MUC17: variants seen among roughly 807,000 people sequenced by gnomAD.
MUC17 encodes the protein mucin-17.
Under a neutral mutation model 170.3 loss-of-function variants are expected in MUC17, and 190 were observed. That is an observed-to-expected ratio of 1.12 (90% CI 0.99 to 1.26). The LOEUF (loss-of-function observed/expected upper bound fraction) is 1.26, where lower values mean the gene tolerates loss of function less well. Ranked by LOEUF, MUC17 falls within the 50% of genes most tolerant of loss-of-function variation. MUC17 has a pLI of 0.00. For synonymous variants in MUC17, 2,325 were observed against 2,002.5 expected, an observed-to-expected ratio of 1.16 and a Z score of -4.30; for missense variants, 6,415 against 5,530.0, an observed-to-expected ratio of 1.16 and a Z score of -5.08.
At chr7:101,048,237 TTTTTG>T (rs377501851) in intron 4 of MUC17, 122 bp downstream of exon 4, 223 of 1,038,348 alleles carry the variant, frequency 2.1e-4, no homozygotes, top group East Asian at 8.9e-4. Flanking sequence ...GCTGTGGTGT[TTTTTG>T]TTTTGTTTTG....
chr7:101,032,444 C>T lies in MUC17; in HGVS notation c.1028C>T (p.Thr343Ile), dbSNP rs779051755. The change falls in exon 3 of 13, where the codon ACC becomes ATC. Residue 343 changes from threonine to isoleucine, a missense_variant. By Grantham distance (89) the Thr-to-Ile change is moderately conservative. Coordinates refer to ENST00000306151, the MANE Select transcript of MUC17 (RefSeq NM_001040105.2). ...CCATTAACAAGTACGCCTGCCAGCA[C>T]CATGCCGGTTGCCACTTCTGAAATG... ...STPLTSTPAS[T>I]MPVATSEMST... The T allele has an allele frequency of 3.7e-6, 6 of 1,613,826 alleles. No homozygotes were observed. Among genetic ancestry groups the T allele is most frequent in the Non-Finnish European group, 5.1e-6 (6 of 1,179,838 alleles).
chr7:101,042,553 A>G lies in MUC17; in HGVS notation c.11137A>G (p.Thr3713Ala), dbSNP rs149061539. 84 of 1,614,094 alleles carry G rather than the reference A, an allele frequency of 5.2e-5. No individual in the cohort carries two copies. The African/African-American group carries it at 8.8e-4, about 17-fold the overall frequency. Residue 3713 changes from threonine (T) to alanine (A), a missense_variant, in exon 3 of 13, where the codon ACC (threonine) becomes GCC (alanine). By Grantham distance (58) the Thr-to-Ala change is moderately conservative. Transcript: ENST00000306151. ...ACGTGTGACCAGCTCTGAGGGTAGCACCCTTTCAACACCTTCTGTTGTCAC... is the reference window on the plus strand; with the variant it reads ...ACGTGTGACCAGCTCTGAGGGTAGCGCCCTTTCAACACCTTCTGTTGTCAC... The part of the protein sequence containing the change: ...TTRVTSSEGS[T>A]LSTPSVVTST...
intron 12 of MUC17, among the ~76,000 whole-genome samples, chr7:101,056,935 C>T (rs943716384): frequency 1.3e-5 from 2 of 152,042 alleles, no homozygotes; most frequent in Non-Finnish European, 2.9e-5. Context: ...TGGGCTCCTA[C>T]ATTTTTTAAC....
chr7:101,028,881 CTG>C (rs75024434), intron 1 of MUC17, among the ~76,000 whole-genome samples: 5,123 of 149,462 alleles, frequency 0.034, 144 homozygotes, highest in African/African-American at 0.074. Flanking sequence ...CAGAGAGACA[CTG>C]TCTCTTAAAA....
At chr7:101,047,940 C>T (rs1041941472) in intron 3 of MUC17, 44 bp from the exon 4 acceptor site, 42 of 1,533,628 alleles carry the variant, frequency 2.7e-5, no homozygotes, top group Non-Finnish European at 3.7e-5. Context: ...TGAGGTGCCT[C>T]AATGGAGGAA....
intron 1 of MUC17, among the ~76,000 whole-genome samples, chr7:101,029,889 G>A (rs1044777165): frequency 4.6e-5 from 7 of 152,050 alleles, no homozygotes; most frequent in South Asian, 4.2e-4. Context: ...GTGAACCACC[G>A]TGCCCGACCT....
chr7:101,036,739 G>T lies in MUC17; in HGVS notation c.5323G>T (p.Asp1775Tyr), dbSNP rs773451455. ...EASTLSATPI[D>Y]TSTPVTTSTE... ...TAGCACCCTTTCAGCAACTCCTATT[G>T]ACACCAGCACCCCTGTGACCACTTC... Residue 1775 changes from aspartate (D) to tyrosine (Y), a missense_variant, in exon 3 of 13, where the codon GAC becomes TAC. Transcript: ENST00000306151. 1.2e-6 allele frequency: 2 copies of T among 1,612,734 alleles called. No homozygotes were observed. Among genetic ancestry groups the T allele is most frequent in the South Asian group, 2.2e-5 (2 of 90,806 alleles).
rs1412203836 is a variant in MUC17, at chr7:101,031,138, C to T, written c.101C>T (p.Ala34Val). 1.2e-6 allele frequency: 2 copies of T among 1,613,418 alleles called. No individual in the cohort carries two copies. Among genetic ancestry groups the T allele is most frequent in the Non-Finnish European group, 1.7e-6 (2 of 1,179,684 alleles). The change falls in exon 2 of 13, where the codon GCT becomes GTT. Residue 34 changes from alanine (A) to valine (V), a missense_variant. By Grantham distance (64) the Ala-to-Val change is moderately conservative (BLOSUM62 0). Transcript: ENST00000306151. Reference sequence around the variant, plus strand: ...CTTTCAGACCTCAGTGTGAACAGGGCTGTGTGGGATGGAGGAGGGTGCATC... The same window carrying T: ...CTTTCAGACCTCAGTGTGAACAGGGTTGTGTGGGATGGAGGAGGGTGCATC... ...AAEQDLSVNR[A>V]VWDGGGCISQ...
At chr7:101,048,779 G>T in intron 4 of MUC17, 66 bp from the exon 5 acceptor site, 1 of 1,592,136 alleles carries the variant, frequency 6.3e-7, no homozygotes, top group Non-Finnish European at 8.6e-7. Flanking sequence ...CTCCACCCAG[G>T]CTGGGGGCAG....
chr7:101,040,642 C>T lies in MUC17; in HGVS notation c.9226C>T (p.Pro3076Ser), dbSNP rs773582056. The T allele has an allele frequency of 6.2e-7, 1 of 1,612,462 alleles. No homozygotes were observed. The highest frequency in any genetic ancestry group is 8.5e-7 in the Non-Finnish European group (1 of 1,179,160). The change falls in exon 3 of 13, where the codon CCT becomes TCT. Residue 3076 changes from proline to serine, a missense_variant. By Grantham distance (74) the Pro-to-Ser change is moderately conservative. Coordinates refer to ENST00000306151, the MANE Select transcript of MUC17 (RefSeq NM_001040105.2). ...LSTTPVDSNS[P>S]VVTSTEVSSS... ...AACAACTCCTGTTGACTCCAACAGTCCTGTGGTCACTTCTACTGAAGTCAG... is the reference window on the plus strand; with the variant it reads ...AACAACTCCTGTTGACTCCAACAGTTCTGTGGTCACTTCTACTGAAGTCAG...
At chr7:101,050,799 T>C (rs756766308) in intron 7 of MUC17, among the ~76,000 whole-genome samples, 164 bp downstream of exon 7, 1 of 152,062 alleles carries the variant, frequency 6.6e-6, no homozygotes, top group Non-Finnish European at 1.5e-5. Flanking sequence ...AGCCCCAGGA[T>C]TGGGCCGAGA....
At chr7:101,052,861 T>A in intron 9 of MUC17, 125 bp from the exon 10 acceptor site, 1 of 1,202,680 alleles carries the variant, frequency 8.3e-7, no homozygotes, top group Non-Finnish European at 1.1e-6. Context: ...GGTGCCTTGC[T>A]TTATGCCCCC....
rs1012693713 is a variant in MUC17 at position 101,048,106 on chromosome 7, A to G, written c.12526A>G (p.Ile4176Val). 3 of 1,599,418 alleles carry G rather than the reference A, an allele frequency of 1.9e-6. No homozygotes were observed. The African/African-American group carries it at 4.1e-5, about 22-fold the overall frequency. Residue 4176 changes from isoleucine (I) to valine (V), a missense_variant, in exon 4 of 13, where the codon ATT (isoleucine) becomes GTT (valine). Ile to Val is a conservative substitution (Grantham distance 29, BLOSUM62 3). Coordinates refer to ENST00000306151, the MANE Select transcript of MUC17 (RefSeq NM_001040105.2). ...GTTGTGTGAGGAGGTGGTCAGCAGC[A>G]TTGACATAGGTGAGTGCAACCCCAG... ...GELCEEVVSSIDIGPPETISA... is the reference protein window; with the variant it reads ...GELCEEVVSSVDIGPPETISA...
chr7:101,020,981 C>T (rs980059989), intron 1 of MUC17, among the ~76,000 whole-genome samples: 1 of 152,116 alleles, frequency 6.6e-6, no homozygotes, highest in African/African-American at 2.4e-5. Context: ...GAAACTGGAC[C>T]CATAGACCTC....
rs764062953 is a variant in MUC17, at chr7:101,032,295, C to T, written c.879C>T (p.Ser293=). ...TGCTGGTGGTCAGTTCTGAGGCTAG[C>T]ACCCTTTCAACAACTCCTGCTGCCA... ...SVMLVVSSEA[S]TLSTTPAATN... is the part of the protein sequence containing the mutation. The change falls in exon 3 of 13, where the codon AGC becomes AGT. Residue 293 remains serine (S), a synonymous_variant. Transcript: ENST00000306151. 1 of 1,613,870 alleles carries T rather than the reference C, an allele frequency of 6.2e-7. No homozygotes were observed. The highest frequency in any genetic ancestry group is 8.5e-7 in the Non-Finnish European group (1 of 1,179,870).
In MUC17 at chr7:101,050,486, T is replaced by C; in HGVS notation, c.12725T>C (p.Leu4242Pro). 1 of 1,613,008 alleles carries C rather than the reference T, an allele frequency of 6.2e-7. No individual in the cohort carries two copies. The highest frequency in any genetic ancestry group is 2.2e-5 in the East Asian group (1 of 44,882). The change falls in exon 7 of 13, where the codon CTT becomes CCT. Residue 4242 changes from leucine to proline, a missense_variant and splice_region_variant. Transcript: ENST00000306151. ...YVGVNITKLR[L>P]GSVVVEHDVL... ...GACGTCTTCCCTTCCCTCTTCAGTC[T>C]TGGCAGTGTGGTGGTGGAGCATGAC...
intron 12 of MUC17, 89 bp downstream of exon 12, chr7:101,056,359 C>T (rs1016868018): frequency 6.5e-7 from 1 of 1,550,100 alleles, no homozygotes; most frequent in Non-Finnish European, 8.7e-7. Context: ...TTCAGAAAAA[C>T]AGAACCATGT....
Position 101,020,807 on chromosome 7 carries a change from G to A in MUC17, c.82+590G>A, listed in dbSNP as rs150350701. Among the ~76,000 whole-genome samples the A allele has an allele frequency of 4.2e-3, 637 of 152,264 alleles. 4 individuals are homozygous for A. Among genetic ancestry groups the A allele is most frequent in the African/African-American group, 0.015 (618 of 41,580 alleles). ...AGTCTCCCCAAAAGACAAGGCATTA[G>A]GACCTCTGAGGATCATTCCAGCTCA... On this transcript the variant is annotated intron_variant, in intron 1 of 12. Transcript: ENST00000306151.
In MUC17 at chr7:101,040,041, T is replaced by C; in HGVS notation, c.8625T>C (p.Pro2875=). ...SEGSTLLTSI[P]VSTTPVASSE... ...GAAGTACTCTATTAACAAGTATACCTGTCAGCACCACGCCGGTGGCCAGTT... is the reference window on the plus strand; with the variant it reads ...GAAGTACTCTATTAACAAGTATACCCGTCAGCACCACGCCGGTGGCCAGTT... The change falls in exon 3 of 13, where the codon CCT becomes CCC. Residue 2875 remains proline (P), a synonymous_variant. Coordinates refer to ENST00000306151, the MANE Select transcript of MUC17 (RefSeq NM_001040105.2). The C allele has an allele frequency of 6.2e-7, 1 of 1,613,386 alleles. No individual in the cohort carries two copies. Among genetic ancestry groups the C allele is most frequent in the Non-Finnish European group, 8.5e-7 (1 of 1,179,780 alleles).
Sources: gnomAD v4.1 joint callset for allele counts (sites outside exome capture counted in the v4.1 genomes callset) on GRCh38, gnomAD v4.1.1 for gene constraint, MANE v1.5 for transcripts, NCBI Gene and HGNC (gene_info 2026-07-23, HGNC 2026-07-21) for gene names.